The following RB1 variants were observed in gnomAD, a reference collection of about 807,000 sequenced individuals.
The protein encoded by RB1 is RB transcriptional corepressor 1.
Under a neutral mutation model 135.4 loss-of-function variants are expected in RB1, and 18 were observed. The observed-to-expected ratio is 0.13, with a 90% CI of 0.09 to 0.20. The LOEUF is 0.20. RB1 is among the 10% of genes least tolerant of loss of function. The pLI is 1.00. For synonymous variants in RB1, 365 were observed against 373.2 expected (o/e 0.98, Z 0.25); for missense variants, 868 against 1,110.0 (o/e 0.78, Z 3.10).
intron 17 of RB1, among the ~76,000 whole-genome samples, chr13:48,413,870 G>C (rs774710469): frequency 4.6e-5 from 7 of 152,000 alleles, no homozygotes; most frequent in Non-Finnish European, 1.0e-4. Context: ...ATTGAAATAA[G>C]GTTTAGAGAA....
rs187295344 is a variant in RB1, at chr13:48,362,246, A to G, written c.719-569A>G. On this transcript the variant is annotated intron_variant, in intron 7 of 26. Transcript: ENST00000267163. ...CAGGCGTGAGCCACCACACCCAGCC[A>G]TCTGTAATATTTTTAATAGCTGAAC... Among the ~76,000 whole-genome samples, 395 of 152,052 alleles carry G rather than the reference A, an allele frequency of 2.6e-3. 1 individual carries two copies. Among genetic ancestry groups the G allele is most frequent in the Non-Finnish European group, 4.4e-3 (302 of 67,932 alleles).
chr13:48,434,365 T>A (rs563174002), intron 17 of RB1, among the ~76,000 whole-genome samples: 2 of 151,938 alleles, frequency 1.3e-5, no homozygotes, highest in Non-Finnish European at 2.9e-5. Flanking sequence ...AGAAAAAAAA[T>A]TTTAACAGAT....
At position 48,458,943 on chromosome 13, in the gene RB1, A is replaced by AT. The variant is rs528884666; in HGVS notation, c.1961-738dup. ...ATTTTATAGAGAAATGTGTGGTTTA[A>AT]TTTTTTTAGGATTGGAAAAATTCAT... On this transcript the variant is annotated intron_variant, in intron 19 of 26. Coordinates refer to ENST00000267163, the MANE Select transcript of RB1 (RefSeq NM_000321.3). Among the ~76,000 whole-genome samples, 232 of 152,226 alleles carry AT rather than the reference A, an allele frequency of 1.5e-3. 1 individual carries two copies. The highest frequency in any genetic ancestry group is 5.2e-3 in the African/African-American group (218 of 41,534).
chr13:48,320,329 A>T, intron 2 of RB1: 1 of 1,244,702 alleles, frequency 8.0e-7, no homozygotes, highest in Non-Finnish European at 1.2e-6. Context: ...GCTGATGAGC[A>T]TCTGCACCCG....
At position 48,345,011 on chromosome 13, in the gene RB1, G is replaced by T. The variant is rs539131083; in HGVS notation, c.381-69G>T. 1.5e-5 allele frequency: 22 copies of T among 1,510,168 alleles called. No individual in the cohort carries two copies. The East Asian group carries it at 1.8e-4, about 13-fold the overall frequency. The allele number at this position is 1,510,168 out of a possible 1,614,324, so 93.5% of individuals were successfully genotyped here. ...TAATCTTTTGAATTGAAATATCTAT[G>T]ATTTGAAAACGAAATAACACAAATT... On this transcript the variant is annotated intron_variant, in intron 3 of 26. Coordinates refer to ENST00000267163, the MANE Select transcript of RB1 (RefSeq NM_000321.3).
intron 17 of RB1, among the ~76,000 whole-genome samples, chr13:48,393,640 A>G (rs1199295223): frequency 6.6e-6 from 1 of 152,234 alleles, no homozygotes; most frequent in Non-Finnish European, 1.5e-5. Context: ...GTACACTTAC[A>G]GAATATTTAG....
chr13:48,479,946 C>A, intron 26 of RB1, 52 bp from the exon 27 acceptor site: 1 of 1,497,624 alleles, frequency 6.7e-7, no homozygotes. Flanking sequence ...AGCCACTTGC[C>A]AACTTACCCA....
At chr13:48,348,242 C>T (rs1487396297) in intron 5 of RB1, among the ~76,000 whole-genome samples, 3 of 151,828 alleles carry the variant, frequency 2.0e-5, no homozygotes, top group African/African-American at 7.3e-5. Context: ...TTAAAATTTC[C>T]AAATGATTAT....
intron 2 of RB1, among the ~76,000 whole-genome samples, chr13:48,332,599 A>C (rs1952347305): frequency 6.6e-6 from 1 of 152,160 alleles, no homozygotes; most frequent in South Asian, 2.1e-4. Context: ...AAAAACAAAA[A>C]AAGTAGTAGT....
intron 17 of RB1, among the ~76,000 whole-genome samples, chr13:48,414,270 CTGGGAGGCAGATGT>C (rs1228948548): frequency 6.6e-6 from 1 of 151,600 alleles, no homozygotes; most frequent in East Asian, 1.9e-4. Context: ...TCGCTTGAAC[CTGGGAGGCAGATGT>C]TGCAGTGAAC....
Position 48,409,570 on chromosome 13 carries a change from A to ATTT in RB1, c.1695+28154_1695+28156dup, listed in dbSNP as rs5803435. Among the ~76,000 whole-genome samples the ATTT allele has an allele frequency of 5.4e-3, 321 of 59,686 alleles. 43 individuals are homozygous for ATTT. Among genetic ancestry groups the ATTT allele is most frequent in the African/African-American group, 0.02 (308 of 15,356 alleles). The allele number at this position is 59,686 out of a possible 152,430, so 39.2% of individuals were successfully genotyped here. A position where few individuals can be genotyped will look rare whatever the true frequency, so the allele number is the denominator to read the frequency against. On this transcript the variant is annotated intron_variant, in intron 17 of 26. Transcript: ENST00000267163. ...TTAGTTAACTTTGGAGAACTGCTTGATTTTTTTTTTTTTTTTTTTTTTTTT... is the reference window on the plus strand; with the variant it reads ...TTAGTTAACTTTGGAGAACTGCTTGATTTTTTTTTTTTTTTTTTTTTTTTTTTT...
At chr13:48,448,406 A>G (rs1949304028) in intron 17 of RB1, among the ~76,000 whole-genome samples, 1 of 152,136 alleles carries the variant, frequency 6.6e-6, no homozygotes, top group Non-Finnish European at 1.5e-5. Flanking sequence ...TTTTCTTCTG[A>G]TGCCTCCATA....
chr13:48,312,830 T>C (rs915577074), intron 2 of RB1, among the ~76,000 whole-genome samples: 2 of 152,206 alleles, frequency 1.3e-5, no homozygotes, highest in East Asian at 3.8e-4. Flanking sequence ...ACTAGTCTCT[T>C]CTTTTCTCCA....
At chr13:48,479,384 C>A (rs1367600836) in intron 26 of RB1, among the ~76,000 whole-genome samples, 1 of 152,236 alleles carries the variant, frequency 6.6e-6, no homozygotes, top group Non-Finnish European at 1.5e-5. Context: ...GTATTCTAGT[C>A]TGCTGAAGTA....
intron 17 of RB1, among the ~76,000 whole-genome samples, chr13:48,413,813 A>G (rs1232122961): frequency 6.6e-6 from 1 of 152,232 alleles, no homozygotes; most frequent in East Asian, 1.9e-4. Context: ...TCTAAGCACA[A>G]AATGAAATTG....
At chr13:48,435,210 C>T (rs1204188030) in intron 17 of RB1, among the ~76,000 whole-genome samples, 1 of 152,196 alleles carries the variant, frequency 6.6e-6, no homozygotes, top group Non-Finnish European at 1.5e-5. Flanking sequence ...AGTTTCTCTG[C>T]ATTCTTTCCA....
chr13:48,380,650 G>A (rs1948527933), intron 16 of RB1, among the ~76,000 whole-genome samples: 1 of 152,014 alleles, frequency 6.6e-6, no homozygotes, highest in Admixed American at 6.6e-5. Context: ...ACAGAACAAA[G>A]GCCAATTACA....
chr13:48,412,136 A>T, intron 17 of RB1: 1 of 1,613,894 alleles, frequency 6.2e-7, no homozygotes, highest in Non-Finnish European at 8.5e-7. Context: ...TGTTGGTATA[A>T]AACAGCATCA....
chr13:48,393,540 C>T (rs551697487), intron 17 of RB1, among the ~76,000 whole-genome samples: 133 of 152,260 alleles, frequency 8.7e-4, no homozygotes, highest in African/African-American at 3.1e-3. Flanking sequence ...GTTGTTTAAA[C>T]GAATCTGGTC....
Sources: allele counts gnomAD v4.1 joint callset (sites outside exome capture counted in the v4.1 genomes callset), GRCh38; gene constraint gnomAD v4.1.1; transcripts MANE v1.5; gene names NCBI Gene and HGNC (gene_info 2026-07-23, HGNC 2026-07-21).